The following PLCG2 variants were observed in gnomAD, a reference collection of about 807,000 sequenced individuals.
PLCG2 encodes phospholipase C gamma 2.
In PLCG2, 69 loss-of-function variants were observed where a neutral mutation model predicts 175.6. The observed-to-expected ratio is 0.39, with a 90% CI of 0.32 to 0.48. The LOEUF (loss-of-function observed/expected upper bound fraction) is 0.48, where lower values mean the gene tolerates loss of function less well. Ranked by LOEUF, PLCG2 falls within the 20% of genes least tolerant of loss-of-function variation. The probability of loss-of-function intolerance (pLI) is 0.91; values close to 1 mark genes in which losing one functional copy is unlikely to be tolerated. For missense variants in PLCG2, 1,798 were observed against 1,650.9 expected (o/e 1.09, Z -1.54); for synonymous variants, 827 against 624.0 (o/e 1.33, Z -4.85).
intron 31 of PLCG2, among the ~76,000 whole-genome samples, chr16:81,953,878 C>T (rs1597155365): frequency 6.6e-6 from 1 of 152,118 alleles, no homozygotes; most frequent in African/African-American, 2.4e-5. Context: ...TAGAAGCATT[C>T]ATAGAAAAGG....
intron 13 of PLCG2, among the ~76,000 whole-genome samples, chr16:81,900,309 A>C (rs768790588): frequency 6.6e-6 from 1 of 152,196 alleles, no homozygotes; most frequent in East Asian, 1.9e-4. Context: ...ACTTGAAAAA[A>C]AGATTAGAGA....
At chr16:81,855,811 G>T (rs1003597967) in intron 3 of PLCG2, among the ~76,000 whole-genome samples, 1 of 152,176 alleles carries the variant, frequency 6.6e-6, no homozygotes, top group Non-Finnish European at 1.5e-5. Flanking sequence ...TGTGGTGTGT[G>T]CCAGGGCTTG....
chr16:81,782,170 C>G (rs955613515), intron 1 of PLCG2, among the ~76,000 whole-genome samples: 1 of 152,130 alleles, frequency 6.6e-6, no homozygotes, highest in East Asian at 1.9e-4. Flanking sequence ...GCCACCGTGC[C>G]TGGCCCATTT....
intron 5 of PLCG2, among the ~76,000 whole-genome samples, chr16:81,860,435 C>T (rs1016535641): frequency 1.3e-5 from 2 of 151,864 alleles, no homozygotes; most frequent in African/African-American, 4.8e-5. Flanking sequence ...AGCAGCACAG[C>T]GTTTGCTGGT....
intron 1 of PLCG2, among the ~76,000 whole-genome samples, chr16:81,743,850 CTTTT>C (rs1909648594): frequency 6.9e-6 from 1 of 145,740 alleles, no homozygotes; most frequent in African/African-American, 2.4e-5. Flanking sequence ...GGATAACCTC[CTTTT>C]TTTTCTTTTT....
chr16:81,773,977 C>A (rs7185350), intron 2 of PLCG2, among the ~76,000 whole-genome samples: 7,362 of 151,618 alleles, frequency 0.049, 564 homozygotes, highest in African/African-American at 0.17. Flanking sequence ...GCAGGCACTC[C>A]GCAAATGTTT....
intron 2 of PLCG2, among the ~76,000 whole-genome samples, chr16:81,774,006 C>T (rs1910342233): frequency 6.6e-6 from 1 of 151,756 alleles, no homozygotes; most frequent in African/African-American, 2.4e-5. Context: ...AATAAATGAG[C>T]TCCACCAGGA....
intron 19 of PLCG2, among the ~76,000 whole-genome samples, chr16:81,917,905 TAG>T (rs971979827): frequency 5.3e-5 from 8 of 152,142 alleles, no homozygotes; most frequent in African/African-American, 1.9e-4. Flanking sequence ...GTATTTTTAG[TAG>T]AGACGGGGTT....
intron 13 of PLCG2, chr16:81,898,316 T>C (rs557723804): frequency 6.5e-6 from 1 of 152,784 alleles, no homozygotes; most frequent in East Asian, 1.9e-4. Flanking sequence ...TTTAAGAAAA[T>C]GATTGCAAGC....
At chr16:81,923,097 T>G (rs1022282543) in intron 21 of PLCG2, among the ~76,000 whole-genome samples, 3 of 152,146 alleles carry the variant, frequency 2.0e-5, no homozygotes, top group Admixed American at 6.5e-5. Context: ...CAGTCTTGGC[T>G]TAATCTAAAA....
rs1166796739 is a variant in PLCG2 at position 81,927,152 on chromosome 16, G to A, written c.2488G>A (p.Ala830Thr). ...CAACTACGTCGAGGACATCTCAACT[G>A]CAGACTTCGAGGAGCTAGAAAAGCA... ...PSNYVEDIST[A>T]DFEELEKQII... The change falls in exon 23 of 33, where the codon GCA becomes ACA. Residue 830 changes from alanine to threonine, a missense_variant. Physicochemically the swap from Ala to Thr is moderately conservative, Grantham distance 58. Coordinates refer to ENST00000564138, the MANE Select transcript of PLCG2 (RefSeq NM_002661.5). 3 of 1,612,866 alleles carry A rather than the reference G, an allele frequency of 1.9e-6. No homozygotes were observed. The highest frequency in any genetic ancestry group is 2.7e-5 in the African/African-American group (2 of 74,894).
At chr16:81,767,101 G>GCTCCT (rs1282132754) in intron 2 of PLCG2, 2 of 145,446 alleles carry the variant, frequency 1.4e-5, no homozygotes, top group Non-Finnish European at 3.0e-5. Context: ...CTGGATTCCT[G>GCTCCT]CTCCTCTCCA....
At chr16:81,933,473 G>A (rs77805777) in intron 25 of PLCG2, among the ~76,000 whole-genome samples, 137 of 152,284 alleles carry the variant, frequency 9.0e-4, no homozygotes, top group African/African-American at 3.2e-3. Flanking sequence ...CTTCTAGTTA[G>A]TGGGTTTCCA....
intron 5 of PLCG2, among the ~76,000 whole-genome samples, chr16:81,860,173 T>A (rs1275515764): frequency 2.2e-3 from 177 of 81,524 alleles, no homozygotes; most frequent in African/African-American, 6.4e-3. Context: ...ATTATTATTA[T>A]TTTTTTTTTT....
intron 15 of PLCG2, 23 bp downstream of exon 15, chr16:81,905,530 A>G (rs1426245168): frequency 2.9e-5 from 45 of 1,549,020 alleles, no homozygotes; most frequent in Non-Finnish European, 3.9e-5. Context: ...CCCTTCCCGT[A>G]GCCACTGCGG....
rs182399338 is a variant in PLCG2, at chr16:81,856,078, G to A, written c.337+1491G>A. Among the ~76,000 whole-genome samples the A allele has an allele frequency of 2.6e-3, 392 of 152,184 alleles. 2 individuals are homozygous for A. Among genetic ancestry groups the A allele is most frequent in the Non-Finnish European group, 1.9e-3 (129 of 68,006 alleles). ...ATATCCCACTCTTGGTCCCTCTTCCGGAACCCTAAATTCAAGGTCAGCACA... is the reference window on the plus strand; with the variant it reads ...ATATCCCACTCTTGGTCCCTCTTCCAGAACCCTAAATTCAAGGTCAGCACA... On this transcript the variant is annotated intron_variant, in intron 3 of 32. Coordinates refer to ENST00000564138, the MANE Select transcript of PLCG2 (RefSeq NM_002661.5).
At chr16:81,836,299 G>A (rs968259469) in intron 2 of PLCG2, among the ~76,000 whole-genome samples, 3 of 152,198 alleles carry the variant, frequency 2.0e-5, no homozygotes, top group South Asian at 2.1e-4. Context: ...GGACTGGATC[G>A]TGGATCTCCT....
At chr16:81,883,913 C>G (rs997486594) in intron 9 of PLCG2, among the ~76,000 whole-genome samples, 1 of 152,206 alleles carries the variant, frequency 6.6e-6, no homozygotes, top group African/African-American at 2.4e-5. Flanking sequence ...GTGACGATGC[C>G]CCCAGAGGAC....
intron 10 of PLCG2, among the ~76,000 whole-genome samples, chr16:81,890,603 G>A (rs1407167251): frequency 6.6e-6 from 1 of 152,216 alleles, no homozygotes. Flanking sequence ...AGAATGCGAA[G>A]GTGTCTGGGT....
Sources: allele counts gnomAD v4.1 joint callset (sites outside exome capture counted in the v4.1 genomes callset), GRCh38; gene constraint gnomAD v4.1.1; transcripts MANE v1.5; gene names NCBI Gene and HGNC (gene_info 2026-07-23, HGNC 2026-07-21).